Variants in AMD1 observed in about 807,000 individuals in gnomAD.
The protein encoded by AMD1 is adenosylmethionine decarboxylase 1.
In AMD1, 11 loss-of-function variants were observed where a neutral mutation model predicts 40.2. The observed-to-expected ratio is 0.27, with a 90% CI of 0.17 to 0.45. The LOEUF (loss-of-function observed/expected upper bound fraction) is 0.45. Among genes scored for constraint, AMD1 ranks in the 20% least tolerant of loss-of-function variants. The probability of loss-of-function intolerance (pLI) is 1.00; values close to 1 mark genes in which losing one functional copy is unlikely to be tolerated. For synonymous variants in AMD1, 121 were observed against 130.8 expected, an observed-to-expected ratio of 0.93 and a Z score of 0.51; for missense variants, 257 against 410.2, an observed-to-expected ratio of 0.63 and a Z score of 3.23.
the AMD1 span, among the ~76,000 whole-genome samples, chr6:110,861,184 T>C: frequency 9.5e-4 from 144 of 151,644 alleles, no homozygotes; most frequent in African/African-American, 3.1e-3. Flanking sequence ...TGGTGAAACC[T>C]TGTCTCTACT....
chr6:110,869,596 G>C, the AMD1 span, among the ~76,000 whole-genome samples: 4 of 148,472 alleles, frequency 2.7e-5, no homozygotes, highest in African/African-American at 1.0e-4. Context: ...CCCAACCTCC[G>C]CCTACCAGAT....
chr6:110,844,674 A>T, the AMD1 span, among the ~76,000 whole-genome samples: 2 of 151,750 alleles, frequency 1.3e-5, no homozygotes, highest in African/African-American at 4.8e-5. Context: ...CCACCTACTC[A>T]GGAGGCTGAG....
the AMD1 span, chr6:110,858,193 G>A: frequency 1.5e-6 from 1 of 655,718 alleles, no homozygotes; most frequent in Admixed American, 2.3e-5. Flanking sequence ...CGCCTGCCAG[G>A]CCGTCTGTTT....
the AMD1 span, among the ~76,000 whole-genome samples, chr6:110,857,916 C>T: frequency 1.3e-5 from 2 of 151,764 alleles, no homozygotes; most frequent in Non-Finnish European, 2.9e-5. Context: ...CTTACTATAG[C>T]CTAGAACTTC....
the AMD1 span, among the ~76,000 whole-genome samples, chr6:110,845,008 C>T: frequency 6.1e-5 from 9 of 148,552 alleles, no homozygotes; most frequent in African/African-American, 1.7e-4. Context: ...AGCGCAAGCA[C>T]GAGACAGTGA....
chr6:110,872,562 A>C (rs1784937058), upstream of AMD1, among the ~76,000 whole-genome samples: 1 of 152,252 alleles, frequency 6.6e-6, no homozygotes, highest in Non-Finnish European at 1.5e-5. Flanking sequence ...TATTTTGGAC[A>C]TATTGAGTTC....
chr6:110,853,401 G>A, the AMD1 span, among the ~76,000 whole-genome samples: 1 of 151,444 alleles, frequency 6.6e-6, no homozygotes, highest in Admixed American at 6.6e-5. Flanking sequence ...TCCACTTCCC[G>A]GGTTCAAGCG....
At chr6:110,890,028 AG>A in intron 3 of AMD1, 1 of 422,436 alleles carries the variant, frequency 2.4e-6, no homozygotes, top group Admixed American at 4.2e-5. Context: ...AGAGAGAGAG[AG>A]ATGGGGCCTC....
chr6:110,839,845 G>A, the AMD1 span, among the ~76,000 whole-genome samples: 1 of 152,008 alleles, frequency 6.6e-6, no homozygotes, highest in Non-Finnish European at 1.5e-5. Context: ...TCTTTATCAA[G>A]GAGGCTATCA....
At chr6:110,887,413 TG>T in intron 1 of AMD1, 91 bp from the exon 2 acceptor site, 1 of 784,044 alleles carries the variant, frequency 1.3e-6, no homozygotes, top group East Asian at 2.7e-5. Context: ...ATTAAAAATG[TG>T]GTCTTCATGA....
the AMD1 span, chr6:110,815,348 C>T: frequency 1.4e-5 from 6 of 419,956 alleles, no homozygotes; most frequent in African/African-American, 1.0e-4. Flanking sequence ...TCCTCCTCCT[C>T]CTCCGCGACG....
the AMD1 span, among the ~76,000 whole-genome samples, chr6:110,845,899 G>A: frequency 6.6e-6 from 1 of 152,134 alleles, no homozygotes; most frequent in Admixed American, 6.6e-5. Context: ...CACCAGTTTT[G>A]AAACCTGCTG....
Position 110,874,997 on chromosome 6 carries a change from C to T in AMD1, c.-109C>T. The stretch of plus-strand genomic sequence containing the variant: ...TAGCAAAAAAAAAAAGGAACCTGAA[C>T]TTTAGTAACACAGCTGGAACAATCC... On this transcript the variant is annotated 5_prime_UTR_variant, in exon 1 of 9. Coordinates refer to ENST00000368885, the MANE Select transcript of AMD1 (RefSeq NM_001634.6). The T allele has an allele frequency of 2.8e-6, 2 of 725,984 alleles. No individual in the cohort carries two copies. The highest frequency in any genetic ancestry group is 4.4e-6 in the Non-Finnish European group (2 of 449,656). 45.0% of individuals were successfully genotyped at this position (725,984 alleles called of 1,614,324 possible).
At chr6:110,833,030 A>G in the AMD1 span, among the ~76,000 whole-genome samples, 1 of 152,166 alleles carries the variant, frequency 6.6e-6, no homozygotes, top group Admixed American at 6.6e-5. Context: ...CATGTTGGCC[A>G]GGCTGGTCTC....
chr6:110,839,972 A>G, the AMD1 span, among the ~76,000 whole-genome samples: 3 of 150,450 alleles, frequency 2.0e-5, no homozygotes, highest in Non-Finnish European at 2.9e-5. Flanking sequence ...CCCCCATATA[A>G]GGCTGTTATA....
At chr6:110,815,270 C>G in the AMD1 span, 6 of 1,041,350 alleles carry the variant, frequency 5.8e-6, no homozygotes, top group Non-Finnish European at 7.6e-6. Context: ...GCCCGCCGCC[C>G]GCCGCTCCGC....
chr6:110,852,891 C>A, the AMD1 span, among the ~76,000 whole-genome samples: 10 of 151,464 alleles, frequency 6.6e-5, no homozygotes, highest in South Asian at 2.1e-3. Context: ...TTCTGGGGTG[C>A]GGAAGGAACT....
chr6:110,877,103 C>G (rs571677534), intron 1 of AMD1, among the ~76,000 whole-genome samples: 8 of 152,300 alleles, frequency 5.3e-5, no homozygotes, highest in African/African-American at 1.9e-4. Flanking sequence ...TTTTACTGCT[C>G]CAGTGTGGCT....
chr6:110,887,938 G>T (rs112362010), intron 2 of AMD1, among the ~76,000 whole-genome samples: 1 of 151,980 alleles, frequency 6.6e-6, no homozygotes, highest in Admixed American at 6.6e-5. Context: ...CATCCACCTC[G>T]GCCTCCCAAA....
Sources: gnomAD v4.1 joint callset for allele counts (sites outside exome capture counted in the v4.1 genomes callset) on GRCh38, gnomAD v4.1.1 for gene constraint, MANE v1.5 for transcripts, NCBI Gene and HGNC (gene_info 2026-07-23, HGNC 2026-07-21) for gene names.